RPS6KC1: variants seen among roughly 807,000 people sequenced by gnomAD.
The protein encoded by RPS6KC1 is ribosomal protein S6 kinase C1, also known as inactive ribosomal protein S6 kinase delta-1.
Under a neutral mutation model 103.8 loss-of-function variants are expected in RPS6KC1, and 54 were observed. The observed-to-expected ratio is 0.52, with a 90% CI of 0.42 to 0.65. RPS6KC1 has a LOEUF of 0.65. Among genes scored for constraint, RPS6KC1 ranks in the 30% least tolerant of loss-of-function variants. The pLI is 0.00. For missense variants in RPS6KC1, 1,151 were observed against 1,253.8 expected, an observed-to-expected ratio of 0.92 and a Z score of 1.24; for synonymous variants, 439 against 438.7, an observed-to-expected ratio of 1.00 and a Z score of -0.01.
chr1:213,456,692 T>C, the RPS6KC1 span, among the ~76,000 whole-genome samples: 2 of 152,234 alleles, frequency 1.3e-5, no homozygotes, highest in Non-Finnish European at 2.9e-5. Context: ...TATTAAAATG[T>C]TCTATAAAGC....
chr1:213,521,243 A>G, the RPS6KC1 span, among the ~76,000 whole-genome samples: 1 of 152,200 alleles, frequency 6.6e-6, no homozygotes, highest in South Asian at 2.1e-4. Flanking sequence ...AGTCACATGA[A>G]TTTTTTGGTT....
At chr1:213,362,926 C>G in the RPS6KC1 span, among the ~76,000 whole-genome samples, 26 of 152,310 alleles carry the variant, frequency 1.7e-4, no homozygotes, top group Admixed American at 5.9e-4. Flanking sequence ...AGTTCTTCAG[C>G]CTGTTGGCCC....
At chr1:213,650,123 C>T in the RPS6KC1 span, among the ~76,000 whole-genome samples, 1 of 152,274 alleles carries the variant, frequency 6.6e-6, no homozygotes, top group South Asian at 2.1e-4. Context: ...TTCTATACAT[C>T]CAGGCGCTCC....
intron 6 of RPS6KC1, among the ~76,000 whole-genome samples, chr1:213,151,824 G>A (rs1198918569): frequency 7.9e-6 from 1 of 127,208 alleles, no homozygotes; most frequent in South Asian, 2.5e-4. Flanking sequence ...CTGGCCGGGC[G>A]AGGGGCTGAC....
At chr1:213,686,924 TC>T in the RPS6KC1 span, among the ~76,000 whole-genome samples, 1 of 150,352 alleles carries the variant, frequency 6.7e-6, no homozygotes, top group African/African-American at 2.5e-5. Flanking sequence ...GAGTTCCTCT[TC>T]CTTTTAGACC....
At chr1:213,784,149 T>C in the RPS6KC1 span, among the ~76,000 whole-genome samples, 2 of 152,336 alleles carry the variant, frequency 1.3e-5, no homozygotes, top group South Asian at 4.1e-4. Flanking sequence ...ACCCACTTGA[T>C]GCTGACAGCC....
At chr1:213,483,336 G>A in the RPS6KC1 span, among the ~76,000 whole-genome samples, 1 of 152,134 alleles carries the variant, frequency 6.6e-6, no homozygotes, top group Admixed American at 6.5e-5. Flanking sequence ...TTTGGGTGGG[G>A]ACACAGCCAA....
the RPS6KC1 span, among the ~76,000 whole-genome samples, chr1:213,522,060 A>G: frequency 6.6e-6 from 1 of 152,226 alleles, no homozygotes; most frequent in Non-Finnish European, 1.5e-5. Flanking sequence ...AGGAATCACT[A>G]TCTATGGCAG....
At chr1:213,492,195 A>T in the RPS6KC1 span, 1 of 152,280 alleles carries the variant, frequency 6.6e-6, no homozygotes, top group East Asian at 1.9e-4. Context: ...GTAAAACTTC[A>T]TCTACTCCTG....
the RPS6KC1 span, among the ~76,000 whole-genome samples, chr1:213,491,201 C>T: frequency 1.3e-5 from 2 of 152,164 alleles, no homozygotes; most frequent in East Asian, 1.9e-4. Flanking sequence ...CCATCAGTGC[C>T]TCCCCATTAA....
At chr1:213,457,883 T>C in the RPS6KC1 span, among the ~76,000 whole-genome samples, 2 of 152,256 alleles carry the variant, frequency 1.3e-5, no homozygotes, top group African/African-American at 4.8e-5. Flanking sequence ...ATTCTTGGCT[T>C]ACTCCTCAAC....
At chr1:213,183,706 T>C (rs2092396929) in intron 8 of RPS6KC1, among the ~76,000 whole-genome samples, 1 of 151,812 alleles carries the variant, frequency 6.6e-6, no homozygotes, top group Non-Finnish European at 1.5e-5. Flanking sequence ...ACAGGAACAG[T>C]CAAATCTAGG....
intron 8 of RPS6KC1, among the ~76,000 whole-genome samples, chr1:213,185,008 T>TC (rs2092458278): frequency 6.6e-6 from 1 of 152,240 alleles, no homozygotes; most frequent in African/African-American, 2.4e-5. Flanking sequence ...CTATTAGATT[T>TC]AGTGTGTAGT....
chr1:213,485,322 G>A, the RPS6KC1 span, among the ~76,000 whole-genome samples: 1 of 152,118 alleles, frequency 6.6e-6, no homozygotes, highest in Non-Finnish European at 1.5e-5. Flanking sequence ...ATCCATCATT[G>A]ATTGAGGACG....
At chr1:213,518,043 G>A in the RPS6KC1 span, among the ~76,000 whole-genome samples, 1 of 152,088 alleles carries the variant, frequency 6.6e-6, no homozygotes, top group Non-Finnish European at 1.5e-5. Flanking sequence ...CAGAGACTAG[G>A]ATTGCAACCC....
At chr1:213,430,436 A>G in the RPS6KC1 span, among the ~76,000 whole-genome samples, 1 of 152,244 alleles carries the variant, frequency 6.6e-6, no homozygotes, top group Non-Finnish European at 1.5e-5. Context: ...AGAAAAAGCA[A>G]GCAGAACCAG....
chr1:213,160,892 A>C (rs1228722370), intron 6 of RPS6KC1, among the ~76,000 whole-genome samples: 2 of 152,168 alleles, frequency 1.3e-5, no homozygotes, highest in Non-Finnish European at 2.9e-5. Flanking sequence ...GAGAATATCT[A>C]ACATAAATGA....
intron 8 of RPS6KC1, among the ~76,000 whole-genome samples, chr1:213,192,060 A>C (rs1026314792): frequency 6.6e-6 from 1 of 152,036 alleles, no homozygotes; most frequent in Non-Finnish European, 1.5e-5. Context: ...AGCTGAGGTA[A>C]GTTTCTTCTA....
the RPS6KC1 span, among the ~76,000 whole-genome samples, chr1:213,432,564 G>A: frequency 5.9e-4 from 90 of 152,220 alleles, no homozygotes; most frequent in African/African-American, 2.1e-3. Context: ...AATCAGGATA[G>A]TAAACATAAC....
Sources: gnomAD v4.1 joint callset for allele counts (sites outside exome capture counted in the v4.1 genomes callset) on GRCh38, gnomAD v4.1.1 for gene constraint, MANE v1.5 for transcripts, NCBI Gene and HGNC (gene_info 2026-07-23, HGNC 2026-07-21) for gene names.